C16orf87: variants seen among roughly 807,000 people sequenced by gnomAD.
C16orf87 encodes the protein HDAC and MIER1 interacting protein 1.
A neutral mutation model predicts 21.0 loss-of-function variants in C16orf87; 13 were observed. The ratio of observed to expected loss-of-function variants is 0.62; its 90% confidence interval spans 0.40 to 0.98. The LOEUF is 0.98. C16orf87 is among the 50% of genes least tolerant of loss of function. The pLI, the probability that C16orf87 is intolerant of heterozygous loss-of-function variation, is 0.00. For synonymous variants in C16orf87, 49 were observed against 60.2 expected, an observed-to-expected ratio of 0.81 and a Z score of 0.86; for missense variants, 113 against 180.4, an observed-to-expected ratio of 0.63 and a Z score of 2.14.
intron 3 of C16orf87, among the ~76,000 whole-genome samples, chr16:46,806,704 T>C (rs1967940576): frequency 6.6e-6 from 1 of 152,216 alleles, no homozygotes; most frequent in South Asian, 2.1e-4. Flanking sequence ...AATTGTTTAA[T>C]GATTTGTTTT....
chr16:46,809,972 T>C (rs1312248260), intron 2 of C16orf87, among the ~76,000 whole-genome samples, 187 bp from the exon 3 acceptor site: 1 of 152,152 alleles, frequency 6.6e-6, no homozygotes, highest in East Asian at 1.9e-4. Flanking sequence ...TTCAATAGAA[T>C]TCAGATCACA....
chr16:46,823,522 G>T (rs915196005), intron 2 of C16orf87, among the ~76,000 whole-genome samples: 3 of 152,094 alleles, frequency 2.0e-5, no homozygotes, highest in Non-Finnish European at 4.4e-5. Flanking sequence ...AAAGCAACAA[G>T]TTCAAACAAA....
intron 1 of C16orf87, among the ~76,000 whole-genome samples, chr16:46,829,403 T>A (rs1042353201): frequency 1.4e-4 from 22 of 152,302 alleles, no homozygotes; most frequent in Middle Eastern, 3.4e-3. Context: ...CCTATAAGTT[T>A]ATTATCCTTT....
At chr16:46,808,677 C>T (rs1967994505) in intron 3 of C16orf87, among the ~76,000 whole-genome samples, 1 of 152,058 alleles carries the variant, frequency 6.6e-6, no homozygotes, top group Admixed American at 6.6e-5. Flanking sequence ...TAGAGAGGTT[C>T]ATTATACTAT....
At chr16:46,806,604 A>G (rs1272541241) in intron 3 of C16orf87, among the ~76,000 whole-genome samples, 2 of 152,184 alleles carry the variant, frequency 1.3e-5, no homozygotes, top group Non-Finnish European at 2.9e-5. Context: ...ACTGCCTAAC[A>G]TATTTTAATC....
At chr16:46,813,541 T>C (rs927005192) in intron 2 of C16orf87, among the ~76,000 whole-genome samples, 1 of 152,102 alleles carries the variant, frequency 6.6e-6, no homozygotes, top group African/African-American at 2.4e-5. Flanking sequence ...ATAAGCTTTT[T>C]TCCATATTTA....
At chr16:46,815,513 A>C (rs2143110057) in intron 2 of C16orf87, among the ~76,000 whole-genome samples, 1 of 152,246 alleles carries the variant, frequency 6.6e-6, no homozygotes, top group South Asian at 2.1e-4. Context: ...ATTAATATTC[A>C]GAATAATATA....
chr16:46,806,449 C>T (rs1178603899), intron 3 of C16orf87, among the ~76,000 whole-genome samples: 6 of 151,816 alleles, frequency 4.0e-5, no homozygotes, highest in South Asian at 2.1e-4. Context: ...TTAGTAGAGA[C>T]GGGGTTTCAC....
intron 2 of C16orf87, among the ~76,000 whole-genome samples, chr16:46,816,842 T>C (rs750100553): frequency 3.0e-4 from 46 of 152,084 alleles, no homozygotes; most frequent in Non-Finnish European, 5.6e-4. Flanking sequence ...GGAAGAAGCA[T>C]AGCTGGCATG....
chr16:46,810,065 A>G (rs940376542), intron 2 of C16orf87, among the ~76,000 whole-genome samples: 1 of 152,234 alleles, frequency 6.6e-6, no homozygotes, highest in Non-Finnish European at 1.5e-5. Context: ...CTACAAGTTC[A>G]CACAATTCCA....
chr16:46,826,752 C>A (rs1309185357), intron 1 of C16orf87, among the ~76,000 whole-genome samples: 1 of 152,146 alleles, frequency 6.6e-6, no homozygotes, highest in East Asian at 1.9e-4. Flanking sequence ...TTCGTATCTT[C>A]ATAGAAACCA....
At chr16:46,808,693 C>CA (rs1967994936) in intron 3 of C16orf87, among the ~76,000 whole-genome samples, 1 of 152,116 alleles carries the variant, frequency 6.6e-6, no homozygotes, top group Non-Finnish European at 1.5e-5. Context: ...ACTATTTTCT[C>CA]TACTCTTGCA....
At chr16:46,820,919 G>A (rs539201213) in intron 2 of C16orf87, among the ~76,000 whole-genome samples, 2 of 152,110 alleles carry the variant, frequency 1.3e-5, no homozygotes, top group African/African-American at 4.8e-5. Flanking sequence ...TGTTTCAACC[G>A]CATTTCCCTG....
At chr16:46,821,756 C>T (rs957435648) in intron 2 of C16orf87, among the ~76,000 whole-genome samples, 2 of 152,156 alleles carry the variant, frequency 1.3e-5, no homozygotes, top group African/African-American at 4.8e-5. Context: ...AAACTCTGCA[C>T]CGCGAGCTCA....
chr16:46,826,511 T>C (rs1443002560), intron 1 of C16orf87, among the ~76,000 whole-genome samples: 1 of 152,198 alleles, frequency 6.6e-6, no homozygotes, highest in Non-Finnish European at 1.5e-5. Context: ...AATTGAAATT[T>C]TGGCAGAATA....
intron 1 of C16orf87, among the ~76,000 whole-genome samples, chr16:46,826,091 G>A (rs1366257822): frequency 6.6e-6 from 1 of 152,062 alleles, no homozygotes; most frequent in African/African-American, 2.4e-5. Flanking sequence ...CTTAGTTCCA[G>A]GAATGACTCC....
At chr16:46,813,326 G>A (rs1314543747) in intron 2 of C16orf87, among the ~76,000 whole-genome samples, 1 of 151,924 alleles carries the variant, frequency 6.6e-6, no homozygotes, top group Non-Finnish European at 1.5e-5. Context: ...CAAATAACTT[G>A]TAGTCGTTTG....
At position 46,802,872 on chromosome 16, in the gene C16orf87, TG is replaced by T; in HGVS notation, c.*79del. On this transcript the variant is annotated 3_prime_UTR_variant, in exon 4 of 4. Coordinates refer to ENST00000285697, the MANE Select transcript of C16orf87 (RefSeq NM_001001436.4). ...ATGGCCCTTATTGATGCAGTCAGAA[TG>T]CTCCTGAGAGTCCATAACTGTTTGA... 1.4e-6 allele frequency: 1 copy of T among 727,052 alleles called. No individual in the cohort carries two copies. The allele number at this position is 727,052 out of a possible 1,614,324, so 45.0% of individuals were successfully genotyped here.
rs1043031498 is a variant in C16orf87, at chr16:46,825,775, G to A, written c.67-1293C>T. On this transcript the variant is annotated intron_variant, in intron 1 of 3. Transcript: ENST00000285697. ...AAAAAAAATACAAAATTAGCCAGGCGTCATGGCACATGCCTGTAATCCCAG... is the reference window on the plus strand; with the variant it reads ...AAAAAAAATACAAAATTAGCCAGGCATCATGGCACATGCCTGTAATCCCAG... Among the ~76,000 whole-genome samples, 5 of 151,904 alleles carry A rather than the reference G, an allele frequency of 3.3e-5. No individual in the cohort carries two copies. In the South Asian group the frequency reaches 6.2e-4, roughly 19 times the overall value.
Sources: allele counts gnomAD v4.1 joint callset (sites outside exome capture counted in the v4.1 genomes callset), GRCh38; gene constraint gnomAD v4.1.1; transcripts MANE v1.5; gene names NCBI Gene and HGNC (gene_info 2026-07-23, HGNC 2026-07-21).